NAALADL2: variants seen among roughly 807,000 people sequenced by gnomAD.
NAALADL2 encodes N-acetylated alpha-linked acidic dipeptidase like 2, also known as inactive N-acetylated-alpha-linked acidic dipeptidase-like protein 2.
Under a neutral mutation model 87.2 loss-of-function variants are expected in NAALADL2, and 76 were observed. The observed-to-expected ratio is 0.87, with a 90% CI of 0.72 to 1.05. The LOEUF (loss-of-function observed/expected upper bound fraction) is 1.05. Ranked by LOEUF, NAALADL2 falls within the 50% of genes least tolerant of loss-of-function variation. The pLI is 0.00. For synonymous variants in NAALADL2, 354 were observed against 331.0 expected (o/e 1.07, Z -0.75); for missense variants, 1,089 against 945.8 (o/e 1.15, Z -1.99).
At chr3:175,407,753 C>G (rs914246462) in intron 5 of NAALADL2, among the ~76,000 whole-genome samples, 8 of 152,150 alleles carry the variant, frequency 5.3e-5, no homozygotes, top group African/African-American at 1.9e-4. Flanking sequence ...ATGCATGAAA[C>G]TGGGTAAATC....
At chr3:175,693,452 T>C (rs1340158424) in intron 11 of NAALADL2, among the ~76,000 whole-genome samples, 9 of 152,138 alleles carry the variant, frequency 5.9e-5, no homozygotes, top group Non-Finnish European at 1.5e-5. Flanking sequence ...AGGGCTTAGA[T>C]ATTACTGACC....
chr3:174,907,087 A>C (rs556949004), intron 1 of NAALADL2, among the ~76,000 whole-genome samples: 2 of 152,050 alleles, frequency 1.3e-5, no homozygotes, highest in Non-Finnish European at 2.9e-5. Flanking sequence ...ATTTAATCCA[A>C]ATTGAAACTG....
chr3:175,685,449 G>GGT (rs59449046), intron 11 of NAALADL2, among the ~76,000 whole-genome samples: 9,041 of 144,574 alleles, frequency 0.063, 285 homozygotes, highest in Non-Finnish European at 0.077. Flanking sequence ...ACCAACAGGA[G>GGT]GTGTGTGTGT....
chr3:174,979,981 T>G (rs560927649), intron 1 of NAALADL2, among the ~76,000 whole-genome samples: 273 of 152,248 alleles, frequency 1.8e-3, no homozygotes, highest in African/African-American at 6.4e-3. Context: ...TGACTTCTTG[T>G]GACCACTTTG....
At chr3:174,823,424 A>G (rs571353503) in intron 3 of NAALADL2, among the ~76,000 whole-genome samples, 7 of 152,290 alleles carry the variant, frequency 4.6e-5, no homozygotes, top group Admixed American at 1.3e-4. Flanking sequence ...CAGTATTCCT[A>G]GAGGGCAAAT....
At chr3:175,325,293 T>C (rs937371453) in intron 5 of NAALADL2, among the ~76,000 whole-genome samples, 5 of 152,260 alleles carry the variant, frequency 3.3e-5, no homozygotes, top group Non-Finnish European at 7.3e-5. Context: ...GAATTATAAC[T>C]TATGAATTTT....
At chr3:175,436,105 G>GT (rs1437069784) in intron 5 of NAALADL2, among the ~76,000 whole-genome samples, 2 of 143,966 alleles carry the variant, frequency 1.4e-5, no homozygotes, top group Non-Finnish European at 3.0e-5. Context: ...GCGGTGTTTG[G>GT]TTTTTTGATC....
At position 175,233,937 on chromosome 3, in the gene NAALADL2, G is replaced by C; in HGVS notation, c.552G>C (p.Leu184Phe). Residue 184 changes from leucine to phenylalanine, a missense_variant, in exon 3 of 14, where the codon TTG becomes TTC. Leu to Phe is a conservative substitution (Grantham distance 22). Coordinates refer to ENST00000454872, the MANE Select transcript of NAALADL2 (RefSeq NM_207015.3). ...CTTTTCAAATTTATTTCAGAAATTTGGTACAACTATATAAAAATGAAGATG... is the reference window on the plus strand; with the variant it reads ...CTTTTCAAATTTATTTCAGAAATTTCGTACAACTATATAAAAATGAAGATG... ...AEDIKKSFRN[L>F]VQLYKNEDDM... is the part of the protein sequence containing the mutation. 1 of 1,556,924 alleles carries C rather than the reference G, an allele frequency of 6.4e-7. No homozygotes were observed. The highest frequency in any genetic ancestry group is 8.8e-7 in the Non-Finnish European group (1 of 1,139,890).
intron 1 of NAALADL2, among the ~76,000 whole-genome samples, chr3:174,907,778 C>G (rs921729763): frequency 5.3e-5 from 8 of 151,984 alleles, no homozygotes; most frequent in African/African-American, 1.9e-4. Context: ...GAGTTTGGCT[C>G]ATTTCTAAGT....
chr3:175,549,957 G>A (rs1170573176), intron 9 of NAALADL2, among the ~76,000 whole-genome samples: 1 of 151,994 alleles, frequency 6.6e-6, no homozygotes, highest in East Asian at 1.9e-4. Flanking sequence ...AAGAAACACA[G>A]ACGCTAAAGA....
At chr3:174,647,395 G>A (rs1422399158) in intron 2 of NAALADL2, among the ~76,000 whole-genome samples, 2 of 152,196 alleles carry the variant, frequency 1.3e-5, no homozygotes, top group African/African-American at 2.4e-5. Context: ...AGTCATTGGG[G>A]AGTGAAGTGG....
chr3:175,624,390 A>G (rs1306871051), intron 10 of NAALADL2, among the ~76,000 whole-genome samples: 1 of 152,024 alleles, frequency 6.6e-6, no homozygotes, highest in Non-Finnish European at 1.5e-5. Context: ...CTAATCACTT[A>G]TTTTACTGCA....
At chr3:174,751,726 T>A (rs922739218) in intron 3 of NAALADL2, among the ~76,000 whole-genome samples, 44 of 151,612 alleles carry the variant, frequency 2.9e-4, no homozygotes, top group African/African-American at 9.7e-4. Flanking sequence ...ATTCTTGGAG[T>A]AAAGCTCACT....
At chr3:174,478,456 T>C (rs1166421710) in intron 1 of NAALADL2, among the ~76,000 whole-genome samples, 1 of 152,126 alleles carries the variant, frequency 6.6e-6, no homozygotes, top group East Asian at 1.9e-4. Context: ...TGATATAACT[T>C]GTTTAAACTA....
At chr3:175,752,378 A>G (rs1295990485) in intron 12 of NAALADL2, among the ~76,000 whole-genome samples, 1 of 152,094 alleles carries the variant, frequency 6.6e-6, no homozygotes, top group Non-Finnish European at 1.5e-5. Context: ...CCTTCACAGA[A>G]CTGATATTCT....
intron 1 of NAALADL2, among the ~76,000 whole-genome samples, chr3:174,877,787 G>T (rs1371121538): frequency 6.6e-6 from 1 of 152,030 alleles, no homozygotes; most frequent in Non-Finnish European, 1.5e-5. Context: ...ACTTTATTTA[G>T]CTGAAAGTAC....
chr3:174,444,567 A>C (rs908128425), intron 1 of NAALADL2, among the ~76,000 whole-genome samples: 2 of 152,200 alleles, frequency 1.3e-5, no homozygotes, highest in African/African-American at 4.8e-5. Context: ...GGAGGAAATA[A>C]GGCAAGCTAA....
intron 2 of NAALADL2, among the ~76,000 whole-genome samples, chr3:174,628,689 C>CT (rs1721830585): frequency 6.6e-6 from 1 of 151,986 alleles, no homozygotes; most frequent in African/African-American, 2.4e-5. Flanking sequence ...CTTTTCTAAC[C>CT]TTTTATAGCA....
intron 2 of NAALADL2, among the ~76,000 whole-genome samples, chr3:174,586,146 C>T (rs759302123): frequency 1.7e-4 from 26 of 152,174 alleles, no homozygotes; most frequent in Non-Finnish European, 2.9e-4. Flanking sequence ...AAAATTTCAA[C>T]GGATATTTGT....
Sources: allele counts gnomAD v4.1 joint callset (sites outside exome capture counted in the v4.1 genomes callset), GRCh38; gene constraint gnomAD v4.1.1; transcripts MANE v1.5; gene names NCBI Gene and HGNC (gene_info 2026-07-23, HGNC 2026-07-21).